Variants in PEBP4 observed in about 807,000 individuals in gnomAD.
PEBP4 encodes phosphatidylethanolamine binding protein 4, also known as phosphatidylethanolamine-binding protein 4.
PEBP4 carries 22 observed loss-of-function variants against 23.9 expected under a neutral mutation model. The ratio of observed to expected loss-of-function variants is 0.92; its 90% CI spans 0.66 to 1.31. The LOEUF is 1.31. Ranked by LOEUF, PEBP4 falls within the 40% of genes most tolerant of loss-of-function variation. The pLI, the probability that PEBP4 is intolerant of heterozygous loss-of-function variation, is 0.00. For missense variants in PEBP4, 324 were observed against 281.7 expected (o/e 1.15, Z -1.07); for synonymous variants, 112 against 99.3 (o/e 1.13, Z -0.76).
At chr8:22,764,866 C>CA (rs1256592415) in intron 4 of PEBP4, among the ~76,000 whole-genome samples, 1 of 152,026 alleles carries the variant, frequency 6.6e-6, no homozygotes, top group South Asian at 2.1e-4. Context: ...ACCCCCAATC[C>CA]AGGTTCCAAG....
Position 22,920,309 on chromosome 8 carries a change from C to T in PEBP4, c.133G>A (p.Gly45Ser), listed in dbSNP as rs1809174002. ...LLDEDTLFCQGLEVFYPELGN... is the reference protein window; with the variant it reads ...LLDEDTLFCQSLEVFYPELGN... ...AACTCTGGGTAGAAAACTTCAAGGC[C>T]CCTATGAAGAGAGAGGGGAGGTTGC... Residue 45 changes from glycine to serine, a missense_variant and splice_region_variant, in exon 3 of 7, where the codon GGC (glycine) becomes AGC (serine). Physicochemically the swap from Gly to Ser is moderately conservative, Grantham distance 56. Transcript: ENST00000256404. 1 of 1,610,370 alleles carries T rather than the reference C, an allele frequency of 6.2e-7. No individual in the cohort carries two copies. Among genetic ancestry groups the T allele is most frequent in the Admixed American group, 1.7e-5 (1 of 59,974 alleles).
At chr8:22,893,135 G>T (rs1281135794) in intron 3 of PEBP4, among the ~76,000 whole-genome samples, 1 of 152,140 alleles carries the variant, frequency 6.6e-6, no homozygotes, top group African/African-American at 2.4e-5. Context: ...CTCACACAAG[G>T]CTGAGAATAA....
chr8:22,858,962 CA>C (rs1252629310), intron 3 of PEBP4, among the ~76,000 whole-genome samples: 7 of 152,078 alleles, frequency 4.6e-5, no homozygotes, highest in Non-Finnish European at 1.5e-5. Flanking sequence ...ACAACAATAA[CA>C]AAACAGAACT....
chr8:22,811,134 G>C (rs1806620639), intron 4 of PEBP4, among the ~76,000 whole-genome samples: 1 of 151,794 alleles, frequency 6.6e-6, no homozygotes, highest in Non-Finnish European at 1.5e-5. Flanking sequence ...GTATGTATGG[G>C]ATAATATGAT....
At chr8:22,874,182 A>C (rs2457437) in intron 3 of PEBP4, among the ~76,000 whole-genome samples, 93,485 of 151,794 alleles carry the variant, frequency 0.62, 29,909 homozygotes, top group East Asian at 0.82. Flanking sequence ...ACTTCAGTTA[A>C]AAGAAAATAA....
intron 3 of PEBP4, among the ~76,000 whole-genome samples, chr8:22,894,395 G>C (rs1048560394): frequency 1.3e-5 from 2 of 151,966 alleles, no homozygotes; most frequent in Non-Finnish European, 2.9e-5. Context: ...AACATGGTAA[G>C]ACCCTGTCTC....
intron 3 of PEBP4, among the ~76,000 whole-genome samples, chr8:22,911,935 G>C (rs955056625): frequency 5.3e-5 from 8 of 152,178 alleles, no homozygotes; most frequent in African/African-American, 1.9e-4. Context: ...GCACTTGGCT[G>C]GGAGCTTTCA....
rs1247060889 is a variant in PEBP4, at chr8:22,862,833, C to T, written c.259-45098G>A. Among the ~76,000 whole-genome samples the T allele has an allele frequency of 3.5e-5, 5 of 142,746 alleles. No individual in the cohort carries two copies. In the East Asian group the frequency reaches 8.2e-4, roughly 23 times the overall value. The allele number at this position is 142,746 out of a possible 152,430, so 93.6% of individuals were successfully genotyped here. On this transcript the variant is annotated intron_variant, in intron 3 of 6. Transcript: ENST00000256404. ...TTTTTTTTTTTGAGACGGAGTGTCGCTCTGTCACCCAGGCTGGAGTGCAGT... is the reference window on the plus strand; with the variant it reads ...TTTTTTTTTTTGAGACGGAGTGTCGTTCTGTCACCCAGGCTGGAGTGCAGT...
At chr8:22,868,255 G>A (rs932526163) in intron 3 of PEBP4, among the ~76,000 whole-genome samples, 1 of 152,190 alleles carries the variant, frequency 6.6e-6, no homozygotes, top group African/African-American at 2.4e-5. Context: ...CTGCTTTTTA[G>A]TAGTGAGCAG....
chr8:22,888,711 C>A (rs904601295), intron 3 of PEBP4, among the ~76,000 whole-genome samples: 2 of 152,234 alleles, frequency 1.3e-5, no homozygotes, highest in Non-Finnish European at 2.9e-5. Flanking sequence ...TGCAATGCCT[C>A]ACTTCTGTCC....
intron 4 of PEBP4, among the ~76,000 whole-genome samples, chr8:22,799,313 G>T (rs369580115): frequency 2.0e-5 from 3 of 152,258 alleles, no homozygotes; most frequent in East Asian, 3.9e-4. Flanking sequence ...GGAGTTTGGG[G>T]CTTAAACCAG....
chr8:22,883,354 G>T (rs553402008), intron 3 of PEBP4, among the ~76,000 whole-genome samples: 2 of 152,206 alleles, frequency 1.3e-5, no homozygotes, highest in African/African-American at 4.8e-5. Flanking sequence ...CCACTGCTTT[G>T]CATCACCCAT....
intron 4 of PEBP4, among the ~76,000 whole-genome samples, chr8:22,755,326 CTTTTTTTT>C (rs547269095): frequency 2.3e-4 from 26 of 114,616 alleles, no homozygotes; most frequent in East Asian, 3.4e-4. Context: ...TTCTCTCCCT[CTTTTTTTT>C]TTTTTTTTTT....
chr8:22,871,012 C>G (rs1007262674), intron 3 of PEBP4, among the ~76,000 whole-genome samples: 2 of 152,116 alleles, frequency 1.3e-5, no homozygotes, highest in African/African-American at 2.4e-5. Flanking sequence ...TCCTGCTCAA[C>G]CCAGGAAAAT....
At chr8:22,756,027 T>G (rs1805373537) in intron 4 of PEBP4, 1 of 152,262 alleles carries the variant, frequency 6.6e-6, no homozygotes, top group African/African-American at 2.4e-5. Flanking sequence ...TAAATACTTA[T>G]TGATAATAAT....
chr8:22,751,214 C>G (rs746370315), intron 4 of PEBP4, among the ~76,000 whole-genome samples: 1 of 152,132 alleles, frequency 6.6e-6, no homozygotes, highest in Non-Finnish European at 1.5e-5. Flanking sequence ...GGTGACCACT[C>G]GGAACTAAGA....
At chr8:22,936,822 A>G (rs1383282008) in intron 1 of PEBP4, among the ~76,000 whole-genome samples, 1 of 152,170 alleles carries the variant, frequency 6.6e-6, no homozygotes, top group Admixed American at 6.5e-5. Context: ...TCAACATAAT[A>G]CCGCCACATT....
intron 3 of PEBP4, among the ~76,000 whole-genome samples, chr8:22,903,550 G>A (rs753283394): frequency 3.3e-5 from 5 of 152,176 alleles, no homozygotes; most frequent in Admixed American, 6.5e-5. Context: ...GAGGGAGTGC[G>A]TGAAGGGTTA....
intron 4 of PEBP4, among the ~76,000 whole-genome samples, chr8:22,780,012 G>T (rs371168258): frequency 6.6e-6 from 1 of 151,230 alleles, no homozygotes; most frequent in Non-Finnish European, 1.5e-5. Context: ...GCAGTGGCAC[G>T]ATCACGGCTC....
Sources: gnomAD v4.1 joint callset for allele counts (sites outside exome capture counted in the v4.1 genomes callset) on GRCh38, gnomAD v4.1.1 for gene constraint, MANE v1.5 for transcripts, NCBI Gene and HGNC (gene_info 2026-07-23, HGNC 2026-07-21) for gene names.